The following IQSEC1 variants were observed in gnomAD, a reference collection of about 807,000 sequenced individuals.
The protein encoded by IQSEC1 is IQ motif and Sec7 domain ArfGEF 1.
A neutral mutation model predicts 91.0 loss-of-function variants in IQSEC1; 31 were observed. The ratio of observed to expected loss-of-function variants is 0.34; its 90% confidence interval spans 0.26 to 0.46. The LOEUF (loss-of-function observed/expected upper bound fraction) is 0.46. IQSEC1 is among the 20% of genes least tolerant of loss of function. The pLI is 1.00. For missense variants in IQSEC1, 1,388 were observed against 1,575.6 expected (o/e 0.88, Z 2.02); for synonymous variants, 699 against 662.6 (o/e 1.05, Z -0.84).
At chr3:13,149,645 G>A (rs1478731789) in intron 2 of IQSEC1, among the ~76,000 whole-genome samples, 1 of 152,028 alleles carries the variant, frequency 6.6e-6, no homozygotes, top group African/African-American at 2.4e-5. Context: ...GAGACTGGAA[G>A]GTGTCATCCC....
At chr3:13,281,864 G>A (rs1241699797) in intron 1 of IQSEC1, among the ~76,000 whole-genome samples, 6 of 152,198 alleles carry the variant, frequency 3.9e-5, no homozygotes, top group Non-Finnish European at 8.8e-5. Flanking sequence ...GGGGCAGGCA[G>A]AGGGCACAGA....
intron 1 of IQSEC1, among the ~76,000 whole-genome samples, chr3:13,173,339 GT>G (rs1455598421): frequency 6.6e-6 from 1 of 152,162 alleles, no homozygotes; most frequent in Admixed American, 6.5e-5. Flanking sequence ...TCACCCACCT[GT>G]CCCCAGAGAC....
intron 2 of IQSEC1, among the ~76,000 whole-genome samples, chr3:13,087,870 G>A (rs774940445): frequency 1.3e-5 from 2 of 152,142 alleles, no homozygotes; most frequent in East Asian, 3.8e-4. Flanking sequence ...GATGGGGGCC[G>A]AACTTATCCT....
intron 1 of IQSEC1, among the ~76,000 whole-genome samples, chr3:13,011,079 T>A (rs955084791): frequency 3.9e-5 from 6 of 151,938 alleles, no homozygotes; most frequent in African/African-American, 1.2e-4. Context: ...CTTTTTTTTT[T>A]CTTTTTCCTC....
At chr3:13,085,950 G>A (rs1389014797) in intron 2 of IQSEC1, among the ~76,000 whole-genome samples, 1 of 152,214 alleles carries the variant, frequency 6.6e-6, no homozygotes, top group African/African-American at 2.4e-5. Context: ...AATTTGGAAG[G>A]TGGCTCCACG....
intron 1 of IQSEC1, among the ~76,000 whole-genome samples, chr3:12,987,215 C>T (rs1449118724): frequency 6.6e-6 from 1 of 152,266 alleles, no homozygotes; most frequent in Non-Finnish European, 1.5e-5. Flanking sequence ...GCTGGTCCTG[C>T]TGGGGGCGGG....
intron 1 of IQSEC1, among the ~76,000 whole-genome samples, chr3:12,952,262 C>G (rs1699599770): frequency 6.6e-6 from 1 of 152,186 alleles, no homozygotes; most frequent in Non-Finnish European, 1.5e-5. Context: ...CAACCTCAGG[C>G]TCCAAACTGA....
At chr3:13,178,426 G>C (rs1180513854) in intron 1 of IQSEC1, among the ~76,000 whole-genome samples, 1 of 152,234 alleles carries the variant, frequency 6.6e-6, no homozygotes, top group Non-Finnish European at 1.5e-5. Flanking sequence ...GTGCCTTCAG[G>C]CTGCTGTTAC....
intron 1 of IQSEC1, among the ~76,000 whole-genome samples, chr3:13,000,405 C>T (rs1702372175): frequency 1.3e-5 from 2 of 152,180 alleles, no homozygotes; most frequent in Admixed American, 1.3e-4. Flanking sequence ...ATCTTCTTGG[C>T]TCCCACAGTG....
chr3:13,278,635 A>G (rs1435103427), intron 1 of IQSEC1, among the ~76,000 whole-genome samples: 6 of 152,160 alleles, frequency 3.9e-5, no homozygotes, highest in Non-Finnish European at 8.8e-5. Context: ...CCTGACCAAC[A>G]TGGTGAAACC....
intron 1 of IQSEC1, among the ~76,000 whole-genome samples, chr3:13,005,329 C>T (rs984114154): frequency 6.6e-6 from 1 of 152,080 alleles, no homozygotes. Context: ...AGACCGCAGC[C>T]CAGGGCTCCC....
At chr3:13,116,842 G>A (rs191779317) in intron 2 of IQSEC1, among the ~76,000 whole-genome samples, 49 of 152,022 alleles carry the variant, frequency 3.2e-4, no homozygotes, top group African/African-American at 1.1e-3. Flanking sequence ...ACTCCCAATG[G>A]GCCAAAGACC....
In IQSEC1 at chr3:12,946,910, T is replaced by A. The variant is rs534633766; in HGVS notation, c.24-5045A>T. Among the ~76,000 whole-genome samples the A allele has an allele frequency of 2.0e-5, 3 of 152,284 alleles. No homozygotes were observed. In the South Asian group the frequency reaches 6.2e-4, roughly 32 times the overall value. On this transcript the variant is annotated intron_variant, in intron 1 of 13. Coordinates refer to ENST00000613206, the MANE Select transcript of IQSEC1 (RefSeq NM_001134382.3). ...GACACCTGCATGCCCTACCCACTCC[T>A]CCCTGGCAGACATTGCTAATTGATC...
intron 1 of IQSEC1, among the ~76,000 whole-genome samples, chr3:13,016,495 C>T (rs548333246): frequency 6.6e-6 from 1 of 152,324 alleles, no homozygotes; most frequent in Non-Finnish European, 1.5e-5. Context: ...GTGGCTCTCC[C>T]GCCCCAGTCA....
chr3:13,125,866 C>T (rs1003611954), intron 2 of IQSEC1, among the ~76,000 whole-genome samples: 5 of 152,188 alleles, frequency 3.3e-5, no homozygotes, highest in Admixed American at 1.3e-4. Context: ...CCTCCCAGTG[C>T]GGTCCTGCTA....
chr3:13,128,235 G>T (rs534288607), intron 2 of IQSEC1, among the ~76,000 whole-genome samples: 38 of 152,292 alleles, frequency 2.5e-4, no homozygotes, highest in African/African-American at 8.7e-4. Context: ...TTCTTGCCTT[G>T]TTCCCAGTCT....
intron 1 of IQSEC1, among the ~76,000 whole-genome samples, chr3:13,035,595 C>G (rs1704005678): frequency 6.6e-6 from 1 of 152,198 alleles, no homozygotes; most frequent in Non-Finnish European, 1.5e-5. Context: ...CTCTTCCCAA[C>G]CCCAGGATGC....
chr3:13,023,686 C>T (rs1703496915), intron 1 of IQSEC1, among the ~76,000 whole-genome samples: 2 of 152,248 alleles, frequency 1.3e-5, no homozygotes, highest in Admixed American at 6.5e-5. Context: ...CTGATTCCCA[C>T]ATCAAGGATT....
At chr3:13,171,310 T>C (rs1693606706) in intron 1 of IQSEC1, among the ~76,000 whole-genome samples, 2 of 151,942 alleles carry the variant, frequency 1.3e-5, no homozygotes, top group Non-Finnish European at 2.9e-5. Context: ...GGAGAAAAGG[T>C]TTTCTTCCTA....
Sources: allele counts gnomAD v4.1 joint callset (sites outside exome capture counted in the v4.1 genomes callset), GRCh38; gene constraint gnomAD v4.1.1; transcripts MANE v1.5; gene names NCBI Gene and HGNC (gene_info 2026-07-23, HGNC 2026-07-21).